The following RBMS1 variants were observed in gnomAD, a reference collection of about 807,000 sequenced individuals.
RBMS1 encodes RNA-binding motif, single-stranded-interacting protein 1.
RBMS1 carries 17 observed loss-of-function variants against 62.3 expected under a neutral mutation model. The ratio of observed to expected loss-of-function variants is 0.27; its 90% CI spans 0.19 to 0.41. RBMS1 has a LOEUF of 0.41. RBMS1 is among the 10% of genes least tolerant of loss of function. The pLI, the probability that RBMS1 is intolerant of heterozygous loss-of-function variation, is 1.00. For missense variants in RBMS1, 334 were observed against 504.5 expected (o/e 0.66, Z 3.24); for synonymous variants, 172 against 170.0 (o/e 1.01, Z -0.09).
At chr2:160,465,859 C>CAT (rs1372310921) in intron 1 of RBMS1, among the ~76,000 whole-genome samples, 4 of 92,678 alleles carry the variant, frequency 4.3e-5, no homozygotes, top group Admixed American at 1.1e-4. Flanking sequence ...CACACACACA[C>CAT]ACACATACAC....
chr2:160,408,146 G>A (rs1213861975), intron 1 of RBMS1, among the ~76,000 whole-genome samples: 2 of 151,916 alleles, frequency 1.3e-5, no homozygotes, highest in East Asian at 3.9e-4. Context: ...CACATTCCTC[G>A]GAGTAGCCAA....
At chr2:160,322,021 C>T (rs1369721472) in intron 2 of RBMS1, among the ~76,000 whole-genome samples, 1 of 152,182 alleles carries the variant, frequency 6.6e-6, no homozygotes, top group Non-Finnish European at 1.5e-5. Flanking sequence ...ATCTCTTCAA[C>T]TATTTAGTTG....
chr2:160,279,861 C>A (rs567371149), intron 10 of RBMS1: 8 of 152,114 alleles, frequency 5.3e-5, no homozygotes, highest in Admixed American at 4.6e-4. Flanking sequence ...CAGATAGCAA[C>A]CTTCTGCTTA....
intron 2 of RBMS1, among the ~76,000 whole-genome samples, chr2:160,322,665 G>C (rs1037726055): frequency 1.3e-5 from 2 of 152,146 alleles, no homozygotes; most frequent in African/African-American, 4.8e-5. Context: ...GGTGCTGAAG[G>C]GCTTCCCTTT....
intron 1 of RBMS1, among the ~76,000 whole-genome samples, chr2:160,402,370 A>T (rs1433047852): frequency 6.6e-6 from 1 of 152,236 alleles, no homozygotes; most frequent in Non-Finnish European, 1.5e-5. Flanking sequence ...CAGTGGAAAA[A>T]GTAATAGTAT....
chr2:160,359,125 G>A (rs1039211834), intron 2 of RBMS1, among the ~76,000 whole-genome samples: 4 of 152,124 alleles, frequency 2.6e-5, no homozygotes, highest in Non-Finnish European at 5.9e-5. Context: ...CAGTAAGACA[G>A]TTCTTCAATT....
At chr2:160,351,342 A>G (rs549054582) in intron 2 of RBMS1, among the ~76,000 whole-genome samples, 5 of 152,180 alleles carry the variant, frequency 3.3e-5, no homozygotes, top group African/African-American at 4.8e-5. Context: ...ATAAAAAAAA[A>G]AGAGAGAATG....
At chr2:160,276,338 C>T (rs766893826) in intron 12 of RBMS1, among the ~76,000 whole-genome samples, 2 of 151,518 alleles carry the variant, frequency 1.3e-5, no homozygotes, top group Non-Finnish European at 2.9e-5. Flanking sequence ...TAAAATACTA[C>T]TACCACCACC....
At chr2:160,472,015 T>A (rs1265413483) in intron 1 of RBMS1, among the ~76,000 whole-genome samples, 2 of 152,016 alleles carry the variant, frequency 1.3e-5, no homozygotes, top group East Asian at 3.9e-4. Flanking sequence ...CAGGTAAACT[T>A]GTATGAAGCA....
At chr2:160,428,257 G>A (rs1284574636) in intron 1 of RBMS1, among the ~76,000 whole-genome samples, 1 of 152,134 alleles carries the variant, frequency 6.6e-6, no homozygotes, top group East Asian at 1.9e-4. Context: ...CAAAAAACGT[G>A]GGGTGGCCTC....
intron 1 of RBMS1, among the ~76,000 whole-genome samples, chr2:160,430,812 G>A (rs541931921): frequency 6.6e-6 from 1 of 152,208 alleles, no homozygotes; most frequent in East Asian, 2.0e-4. Context: ...ATTTTTAAAT[G>A]TGAAATGACC....
At chr2:160,286,476 C>T (rs1010437244) in intron 7 of RBMS1, among the ~76,000 whole-genome samples, 2 of 151,880 alleles carry the variant, frequency 1.3e-5, no homozygotes, top group Admixed American at 6.6e-5. Context: ...TGGACCACCA[C>T]GCAGGGCTAA....
At chr2:160,440,916 C>T (rs72976735) in intron 1 of RBMS1, among the ~76,000 whole-genome samples, 32,962 of 152,072 alleles carry the variant, frequency 0.22, 3,913 homozygotes, top group African/African-American at 0.3. Context: ...GAATAAAATA[C>T]ATAGATCTTA....
At chr2:160,426,284 A>AG (rs752074747) in intron 1 of RBMS1, among the ~76,000 whole-genome samples, 69 of 116,106 alleles carry the variant, frequency 5.9e-4, no homozygotes, top group East Asian at 2.5e-3. Flanking sequence ...AAAGAAAGAA[A>AG]GAAAGAAAAG....
chr2:160,338,791 G>A (rs919127749), intron 2 of RBMS1, among the ~76,000 whole-genome samples: 3 of 152,174 alleles, frequency 2.0e-5, no homozygotes, highest in Non-Finnish European at 4.4e-5. Context: ...AGACAGAGAA[G>A]ACAGGGTGTG....
At chr2:160,425,545 G>C (rs937428445) in intron 1 of RBMS1, among the ~76,000 whole-genome samples, 1 of 152,166 alleles carries the variant, frequency 6.6e-6, no homozygotes, top group Non-Finnish European at 1.5e-5. Context: ...CTGGAAGGAA[G>C]GAGAAGCAAT....
chr2:160,436,684 A>G (rs1244803243), intron 1 of RBMS1, among the ~76,000 whole-genome samples: 1 of 152,222 alleles, frequency 6.6e-6, no homozygotes, highest in Non-Finnish European at 1.5e-5. Flanking sequence ...ACAAGAACTA[A>G]CTTTCAGCTG....
chr2:160,466,001 T>C (rs1462755865), intron 1 of RBMS1, among the ~76,000 whole-genome samples: 1 of 152,300 alleles, frequency 6.6e-6, no homozygotes, highest in Non-Finnish European at 1.5e-5. Flanking sequence ...GTGTTTATTA[T>C]TTTAAAATGT....
intron 1 of RBMS1, among the ~76,000 whole-genome samples, chr2:160,427,566 A>C (rs2105281229): frequency 6.6e-6 from 1 of 152,334 alleles, no homozygotes; most frequent in Admixed American, 6.5e-5. Flanking sequence ...TTTCATATAG[A>C]TCCAATTCCA....
Sources: allele counts gnomAD v4.1 joint callset (sites outside exome capture counted in the v4.1 genomes callset), GRCh38; gene constraint gnomAD v4.1.1; transcripts MANE v1.5; gene names NCBI Gene and HGNC (gene_info 2026-07-23, HGNC 2026-07-21).